PLA2G5: variants seen among roughly 807,000 people sequenced by gnomAD.
The protein encoded by PLA2G5 is Ca2+-dependent phospholipase A2.
PLA2G5 carries 12 observed loss-of-function variants against 15.9 expected under a neutral mutation model. That is an observed-to-expected ratio of 0.76 (90% CI 0.48 to 1.23). PLA2G5 has a LOEUF of 1.23. PLA2G5 is among the 50% of genes most tolerant of loss of function. The pLI is 0.00. For missense variants in PLA2G5, 169 were observed against 177.1 expected (o/e 0.95, Z 0.26); for synonymous variants, 71 against 71.4 (o/e 0.99, Z 0.03).
chr1:20,071,123 T>C (rs2015350501), intron 1 of PLA2G5, among the ~76,000 whole-genome samples: 1 of 151,938 alleles, frequency 6.6e-6, no homozygotes, highest in African/African-American at 2.4e-5. Flanking sequence ...CAGGTGTGAG[T>C]CATTTTTTTT....
chr1:20,067,986 A>G (rs1414658842), upstream of PLA2G5, among the ~76,000 whole-genome samples: 5 of 151,962 alleles, frequency 3.3e-5, no homozygotes, highest in African/African-American at 4.8e-5. Context: ...AGGCATGGTG[A>G]CAGGCCCCCG....
intron 2 of PLA2G5, among the ~76,000 whole-genome samples, chr1:20,064,125 G>A (rs556170330): frequency 4.7e-4 from 72 of 152,296 alleles, no homozygotes; most frequent in African/African-American, 1.5e-3. Flanking sequence ...GACTCATTTA[G>A]TTGGAGCAGG....
intron 1 of PLA2G5, among the ~76,000 whole-genome samples, chr1:20,056,155 T>C (rs1302838533): frequency 6.6e-6 from 1 of 152,128 alleles, no homozygotes; most frequent in East Asian, 1.9e-4. Context: ...GAGCTGAAAG[T>C]ACAAATGTTT....
chr1:20,030,734 G>A (rs756705072), intron 1 of PLA2G5, among the ~76,000 whole-genome samples: 1 of 152,072 alleles, frequency 6.6e-6, no homozygotes, highest in Non-Finnish European at 1.5e-5. Flanking sequence ...GCAGTGCACT[G>A]TGTCCCTGGG....
intron 1 of PLA2G5, among the ~76,000 whole-genome samples, chr1:20,058,758 G>A (rs942407698): frequency 1.3e-5 from 2 of 152,162 alleles, no homozygotes; most frequent in African/African-American, 2.4e-5. Context: ...CTGGTTTATT[G>A]ATTGTGTCAG....
In PLA2G5 at chr1:20,088,548, A is replaced by T. The variant is rs77650137; in HGVS notation, c.186-1241A>T. 5.0e-4 allele frequency among the ~76,000 whole-genome samples: 76 copies of T among 151,966 alleles called. No homozygotes were observed. The East Asian group carries it at 0.011, about 23-fold the overall frequency. Reference sequence around the variant, plus strand: ...ATCAATAATGTATCAATATTGGTTCATTAATTCTAACATGGGTCTCATACT... The same window carrying T: ...ATCAATAATGTATCAATATTGGTTCTTTAATTCTAACATGGGTCTCATACT... On this transcript the variant is annotated intron_variant, in intron 3 of 4. Transcript: ENST00000375108.
chr1:20,068,019 T>C (rs939518512), upstream of PLA2G5, among the ~76,000 whole-genome samples: 5 of 151,788 alleles, frequency 3.3e-5, no homozygotes, highest in African/African-American at 1.2e-4. Flanking sequence ...CTCCGGAGGC[T>C]AAGGCAGCAG....
chr1:20,061,586 CAAAAA>C (rs35346493), intron 2 of PLA2G5, among the ~76,000 whole-genome samples: 3 of 67,754 alleles, frequency 4.4e-5, no homozygotes, highest in African/African-American at 1.2e-4. Flanking sequence ...ACCCTGTCTC[CAAAAA>C]AAAAAAAAAA....
intron 1 of PLA2G5, among the ~76,000 whole-genome samples, chr1:20,075,868 C>CTTTTT (rs534879331): frequency 2.5e-5 from 3 of 121,780 alleles, no homozygotes; most frequent in Admixed American, 8.7e-5. Flanking sequence ...ATTTCTTTCT[C>CTTTTT]TTTTTTTTTT....
chr1:20,083,915 T>C (rs2016160690), intron 1 of PLA2G5, among the ~76,000 whole-genome samples: 1 of 151,782 alleles, frequency 6.6e-6, no homozygotes, highest in Non-Finnish European at 1.5e-5. Context: ...GTTGACTTAT[T>C]CTTTAGGTAG....
intron 2 of PLA2G5, among the ~76,000 whole-genome samples, chr1:20,061,530 G>A (rs746664901): frequency 1.3e-4 from 19 of 146,940 alleles, no homozygotes; most frequent in African/African-American, 4.1e-4. Context: ...AAGCTGCAGT[G>A]AGCCGTGATT....
At chr1:20,089,467 T>C (rs1028255433) in intron 3 of PLA2G5, among the ~76,000 whole-genome samples, 4 of 152,156 alleles carry the variant, frequency 2.6e-5, no homozygotes, top group African/African-American at 9.7e-5. Context: ...GGGAAGTTTG[T>C]CTGGGCAGGT....
chr1:20,079,588 G>A (rs1205621920), intron 1 of PLA2G5, among the ~76,000 whole-genome samples: 2 of 152,178 alleles, frequency 1.3e-5, no homozygotes, highest in African/African-American at 2.4e-5. Flanking sequence ...ACAGTTCACT[G>A]TAACCTGGAC....
chr1:20,080,551 C>T (rs2015951270), intron 1 of PLA2G5, among the ~76,000 whole-genome samples: 1 of 152,168 alleles, frequency 6.6e-6, no homozygotes, highest in Non-Finnish European at 1.5e-5. Flanking sequence ...TACTGTCCTC[C>T]AGTCTGAGGG....
upstream of PLA2G5, among the ~76,000 whole-genome samples, chr1:20,067,980 A>T (rs989570721): frequency 6.6e-6 from 1 of 151,884 alleles, no homozygotes; most frequent in African/African-American, 2.4e-5. Flanking sequence ...TTAGCCAGGC[A>T]TGGTGACAGG....
chr1:20,075,558 A>G (rs1240012119), intron 1 of PLA2G5, among the ~76,000 whole-genome samples: 3 of 152,244 alleles, frequency 2.0e-5, no homozygotes, highest in Non-Finnish European at 1.5e-5. Flanking sequence ...CAGAGGTCAC[A>G]CAGCTAATAA....
exon 1 of PLA2G5, chr1:20,028,530 G>A (rs192249085): frequency 2.0e-5 from 3 of 152,262 alleles, no homozygotes; most frequent in East Asian, 1.9e-4. Flanking sequence ...GTTTCCTGTC[G>A]AATTAGGGGC....
Position 20,049,580 on chromosome 1 carries a change from G to A in PLA2G5, n.277-10052G>A, listed in dbSNP as rs556952186. Among the ~76,000 whole-genome samples the A allele has an allele frequency of 2.0e-4, 30 of 152,240 alleles. No homozygotes were observed. In the South Asian group the frequency reaches 6.0e-3, roughly 31 times the overall value. On this transcript the variant is annotated intron_variant and non_coding_transcript_variant, in intron 1 of 6. Transcript: ENST00000460175. ...TGGGTTTTTCCCTTGCTGTTCTCAT[G>A]ATAGTGAATAAGACTCACAAAACCT...
intron 1 of PLA2G5, among the ~76,000 whole-genome samples, chr1:20,077,305 T>C (rs748172204): frequency 1.3e-5 from 2 of 152,174 alleles, no homozygotes; most frequent in African/African-American, 2.4e-5. Flanking sequence ...GACAGTGAGT[T>C]TAGTTCTGAG....
Sources: gnomAD v4.1 joint callset for allele counts (sites outside exome capture counted in the v4.1 genomes callset) on GRCh38, gnomAD v4.1.1 for gene constraint, MANE v1.5 for transcripts, NCBI Gene and HGNC (gene_info 2026-07-23, HGNC 2026-07-21) for gene names.